Variants in PPARGC1A observed in about 807,000 individuals in gnomAD.
The protein encoded by PPARGC1A is PPARG coactivator 1 alpha, also known as peroxisome proliferator-activated receptor gamma coactivator 1-alpha.
In PPARGC1A, 25 loss-of-function variants were observed where a neutral mutation model predicts 88.7. The ratio of observed to expected loss-of-function variants is 0.28; its 90% CI spans 0.21 to 0.39. The LOEUF (loss-of-function observed/expected upper bound fraction) is 0.39, where lower values mean the gene tolerates loss of function less well. PPARGC1A is among the 10% of genes least tolerant of loss of function. The pLI, the probability that PPARGC1A is intolerant of heterozygous loss-of-function variation, is 1.00. For missense variants in PPARGC1A, 880 were observed against 968.7 expected (o/e 0.91, Z 1.22); for synonymous variants, 363 against 355.6 (o/e 1.02, Z -0.24).
At chr4:23,895,972 GTGTGTGTGTATA>G (rs748301691) in intron 1 of PPARGC1A, among the ~76,000 whole-genome samples, 9,957 of 54,404 alleles carry the variant, frequency 0.18, 387 homozygotes, top group African/African-American at 0.29. Context: ...GTGTGTGTGT[GTGTGTGTGTATA>G]TATATATACA....
At chr4:24,137,398 G>T in the PPARGC1A span, among the ~76,000 whole-genome samples, 3 of 152,070 alleles carry the variant, frequency 2.0e-5, no homozygotes, top group Admixed American at 6.5e-5. Context: ...TGTTATGGTA[G>T]CCCGAGCAAA....
At chr4:24,066,052 T>A in the PPARGC1A span, among the ~76,000 whole-genome samples, 1 of 151,002 alleles carries the variant, frequency 6.6e-6, no homozygotes, top group East Asian at 2.0e-4. Context: ...CAAAATCTCA[T>A]GCTTCTAGTG....
At chr4:23,946,815 C>T in the PPARGC1A span, among the ~76,000 whole-genome samples, 3 of 151,806 alleles carry the variant, frequency 2.0e-5, no homozygotes, top group Admixed American at 6.6e-5. Context: ...TATATGTACA[C>T]ACACACACAC....
chr4:23,879,762 C>G (rs1459550248), intron 2 of PPARGC1A, among the ~76,000 whole-genome samples: 1 of 152,176 alleles, frequency 6.6e-6, no homozygotes, highest in Non-Finnish European at 1.5e-5. Context: ...CTCTTAAATA[C>G]CACCTCCATT....
chr4:23,980,352 C>T, the PPARGC1A span, among the ~76,000 whole-genome samples: 1 of 152,202 alleles, frequency 6.6e-6, no homozygotes, highest in South Asian at 2.1e-4. Flanking sequence ...AGGGTCCTGT[C>T]ATCTGGTCCC....
chr4:23,889,915 T>A lies in PPARGC1A; in HGVS notation c.43A>T (p.Ser15Cys). 1 of 1,613,656 alleles carries A rather than the reference T, an allele frequency of 6.2e-7. No individual in the cohort carries two copies. Among genetic ancestry groups the A allele is most frequent in the Non-Finnish European group, 8.5e-7 (1 of 1,179,732 alleles). ...MCNQDSESVW[S>C]DIECAALVGE... Reference sequence around the variant, plus strand: ...CTGCCCCAGCTCACCTCGATGTCACTCCATACAGACTCAGAGTCCTGGTTG... The same window carrying A: ...CTGCCCCAGCTCACCTCGATGTCACACCATACAGACTCAGAGTCCTGGTTG... Residue 15 changes from serine to cysteine, a missense_variant, in exon 1 of 13, where the codon AGT becomes TGT. Physicochemically the swap from Ser to Cys is moderately radical, Grantham distance 112. Coordinates refer to ENST00000264867, the MANE Select transcript of PPARGC1A (RefSeq NM_013261.5).
chr4:24,323,398 G>T, the PPARGC1A span, among the ~76,000 whole-genome samples: 1 of 152,102 alleles, frequency 6.6e-6, no homozygotes, highest in Non-Finnish European at 1.5e-5. Flanking sequence ...GCCCTGCCCC[G>T]CCTTAACTGA....
At chr4:23,988,433 T>C in the PPARGC1A span, among the ~76,000 whole-genome samples, 2 of 151,998 alleles carry the variant, frequency 1.3e-5, no homozygotes, top group Non-Finnish European at 2.9e-5. Flanking sequence ...TTCTCCACAT[T>C]CCCCCAGCAT....
the PPARGC1A span, among the ~76,000 whole-genome samples, chr4:24,192,936 A>G: frequency 1.3e-5 from 2 of 152,244 alleles, no homozygotes; most frequent in East Asian, 1.9e-4. Flanking sequence ...TTATCATTCA[A>G]TATAAGTAAG....
At chr4:24,261,010 G>T in the PPARGC1A span, among the ~76,000 whole-genome samples, 1 of 152,026 alleles carries the variant, frequency 6.6e-6, no homozygotes, top group East Asian at 1.9e-4. Context: ...ACGTAAATAG[G>T]AAGACATGGG....
chr4:23,851,429 C>T (rs553027209), intron 2 of PPARGC1A, among the ~76,000 whole-genome samples: 141 of 152,154 alleles, frequency 9.3e-4, no homozygotes, highest in South Asian at 5.8e-3. Context: ...TAATTGAAAC[C>T]ACAGAATCTT....
the PPARGC1A span, among the ~76,000 whole-genome samples, chr4:24,465,855 A>G: frequency 6.6e-6 from 1 of 152,206 alleles, no homozygotes; most frequent in Non-Finnish European, 1.5e-5. Context: ...TGAGAAAGGT[A>G]AATTTCAGCC....
chr4:24,103,630 G>GAAAAAAAAAAAAA, the PPARGC1A span, among the ~76,000 whole-genome samples: 1 of 142,152 alleles, frequency 7.0e-6, no homozygotes, highest in East Asian at 2.2e-4. Flanking sequence ...AGTATAAAAT[G>GAAAAAAAAAAAAA]AACCGGAATT....
the PPARGC1A span, among the ~76,000 whole-genome samples, chr4:24,267,229 T>C: frequency 6.6e-6 from 1 of 152,328 alleles, no homozygotes; most frequent in African/African-American, 2.4e-5. Flanking sequence ...ATGCCCTCCA[T>C]GTCCTGATAC....
At chr4:23,964,169 C>A in the PPARGC1A span, among the ~76,000 whole-genome samples, 1 of 152,166 alleles carries the variant, frequency 6.6e-6, no homozygotes, top group Non-Finnish European at 1.5e-5. Flanking sequence ...TTCATTAAAT[C>A]TTTGCAACAA....
chr4:24,060,568 C>G, the PPARGC1A span, among the ~76,000 whole-genome samples: 1 of 152,134 alleles, frequency 6.6e-6, no homozygotes, highest in Admixed American at 6.5e-5. Context: ...CAAAAGCACC[C>G]AAGCCTTGCA....
the PPARGC1A span, among the ~76,000 whole-genome samples, chr4:24,125,720 G>A: frequency 1.3e-5 from 2 of 152,082 alleles, no homozygotes; most frequent in Non-Finnish European, 1.5e-5. Flanking sequence ...TAAGAGTTGA[G>A]AGAGAGAGAA....
At chr4:24,183,119 G>A in the PPARGC1A span, among the ~76,000 whole-genome samples, 4 of 152,196 alleles carry the variant, frequency 2.6e-5, no homozygotes, top group African/African-American at 9.7e-5. Flanking sequence ...AGGAAAAAAT[G>A]ACATATTTGA....
the PPARGC1A span, among the ~76,000 whole-genome samples, chr4:24,445,076 G>A: frequency 6.6e-6 from 1 of 151,832 alleles, no homozygotes; most frequent in Non-Finnish European, 1.5e-5. Context: ...GAGAGAGAGA[G>A]AGAAAACCAC....
Sources: allele counts gnomAD v4.1 joint callset (sites outside exome capture counted in the v4.1 genomes callset), GRCh38; gene constraint gnomAD v4.1.1; transcripts MANE v1.5; gene names NCBI Gene and HGNC (gene_info 2026-07-23, HGNC 2026-07-21).